Variants in AOPEP observed in about 807,000 individuals in gnomAD.
AOPEP encodes aminopeptidase O (putative).
AOPEP carries 77 observed loss-of-function variants against 98.1 expected under a neutral mutation model. The ratio of observed to expected loss-of-function variants is 0.78; its 90% CI spans 0.65 to 0.95. The LOEUF (loss-of-function observed/expected upper bound fraction) is 0.95, where lower values mean the gene tolerates loss of function less well. Among genes scored for constraint, AOPEP ranks in the 40% least tolerant of loss-of-function variants. The pLI is 0.00. For missense variants in AOPEP, 1,024 were observed against 1,024.7 expected, an observed-to-expected ratio of 1.00 and a Z score of 0.01; for synonymous variants, 346 against 365.3, an observed-to-expected ratio of 0.95 and a Z score of 0.60.
chr9:94,772,950 A>G, intron 2 of AOPEP, 52 bp from the exon 3 acceptor site: 1 of 1,515,118 alleles, frequency 6.6e-7, no homozygotes, highest in Non-Finnish European at 8.9e-7. Context: ...GAGAAAAGTG[A>G]CAACTCATTT....
At chr9:95,111,381 C>A in the AOPEP span, 2 of 1,597,436 alleles carry the variant, frequency 1.3e-6, no homozygotes, top group African/African-American at 2.7e-5. Context: ...GAAGCCAAGC[C>A]CACAACAGAG....
the AOPEP span, among the ~76,000 whole-genome samples, chr9:95,144,384 GA>G: frequency 1.3e-5 from 2 of 152,210 alleles, no homozygotes; most frequent in African/African-American, 4.8e-5. Flanking sequence ...TAAATTTTAT[GA>G]GTTGTTGAGG....
At chr9:95,123,164 G>A in the AOPEP span, among the ~76,000 whole-genome samples, 13 of 152,004 alleles carry the variant, frequency 8.6e-5, no homozygotes, top group African/African-American at 2.9e-4. Flanking sequence ...TTAGCTGGGC[G>A]TGGTGGCTTG....
At chr9:95,130,861 T>C in the AOPEP span, among the ~76,000 whole-genome samples, 3 of 152,234 alleles carry the variant, frequency 2.0e-5, no homozygotes, top group Non-Finnish European at 4.4e-5. Context: ...GAAAAACCTA[T>C]TTATACAAAA....
At chr9:94,988,788 C>T (rs2060677020) in intron 11 of AOPEP, among the ~76,000 whole-genome samples, 1 of 152,276 alleles carries the variant, frequency 6.6e-6, no homozygotes, top group Middle Eastern at 3.4e-3. Flanking sequence ...CTGCAGATCC[C>T]GGAGCCAGCC....
At chr9:95,104,047 C>T in the AOPEP span, among the ~76,000 whole-genome samples, 6 of 152,114 alleles carry the variant, frequency 3.9e-5, no homozygotes, top group East Asian at 3.9e-4. Context: ...AGGGAAAGGC[C>T]GTCCCACCAA....
chr9:95,111,275 G>C, the AOPEP span: 2 of 1,557,002 alleles, frequency 1.3e-6, no homozygotes, highest in East Asian at 4.8e-5. Flanking sequence ...CACCTCGGTG[G>C]GGACAGGAGA....
At chr9:94,769,783 C>A (rs967977565) in intron 2 of AOPEP, among the ~76,000 whole-genome samples, 1 of 152,124 alleles carries the variant, frequency 6.6e-6, no homozygotes, top group African/African-American at 2.4e-5. Flanking sequence ...GTAACTGACC[C>A]CCTTGATGGA....
chr9:94,836,347 T>C (rs889940515), intron 5 of AOPEP, among the ~76,000 whole-genome samples: 7 of 152,056 alleles, frequency 4.6e-5, no homozygotes, highest in Non-Finnish European at 8.8e-5. Flanking sequence ...TGAGCAAGAG[T>C]TTTCCTTGCT....
chr9:95,110,394 A>T, the AOPEP span: 1 of 1,024,076 alleles, frequency 9.8e-7, no homozygotes, highest in Non-Finnish European at 1.2e-6. Context: ...CGTACATCTT[A>T]TTACTGTTAA....
chr9:95,107,374 A>T, the AOPEP span: 9 of 1,260,864 alleles, frequency 7.1e-6, no homozygotes, highest in African/African-American at 8.9e-5. Context: ...ACGGGTAAGC[A>T]CTGGCCCCTG....
intron 5 of AOPEP, among the ~76,000 whole-genome samples, chr9:94,831,777 G>A (rs1856018609): frequency 6.6e-6 from 1 of 151,778 alleles, no homozygotes; most frequent in Admixed American, 6.6e-5. Flanking sequence ...ATTCCCAAGT[G>A]CTACAAAGAG....
intron 14 of AOPEP, among the ~76,000 whole-genome samples, chr9:95,066,685 A>T (rs544636436): frequency 2.8e-4 from 42 of 152,104 alleles, no homozygotes; most frequent in Non-Finnish European, 5.1e-4. Flanking sequence ...TGTTTGCTCC[A>T]TAGGGCGCTC....
intron 3 of AOPEP, among the ~76,000 whole-genome samples, chr9:94,780,023 C>A (rs772675307): frequency 3.0e-4 from 45 of 152,340 alleles, no homozygotes; most frequent in Non-Finnish European, 5.6e-4. Context: ...TTTGGCAGTA[C>A]TCACATCTGG....
At chr9:95,054,764 G>A (rs1236646676) in intron 13 of AOPEP, among the ~76,000 whole-genome samples, 3 of 152,070 alleles carry the variant, frequency 2.0e-5, no homozygotes, top group African/African-American at 7.2e-5. Context: ...ATGAATATTT[G>A]CTGCTACTTG....
chr9:94,773,597 A>G (rs1376692215), intron 3 of AOPEP, among the ~76,000 whole-genome samples: 1 of 152,216 alleles, frequency 6.6e-6, no homozygotes, highest in Non-Finnish European at 1.5e-5. Context: ...AGTTGTCTTA[A>G]TGAAGCATCT....
chr9:94,778,500 A>T (rs576876142), intron 3 of AOPEP, among the ~76,000 whole-genome samples: 1 of 152,128 alleles, frequency 6.6e-6, no homozygotes, highest in African/African-American at 2.4e-5. Context: ...TCTCACAAAC[A>T]TTATGCTGAG....
At chr9:94,805,762 A>C (rs979107846) in intron 5 of AOPEP, among the ~76,000 whole-genome samples, 1 of 152,252 alleles carries the variant, frequency 6.6e-6, no homozygotes, top group African/African-American at 2.4e-5. Flanking sequence ...TACATGCCCA[A>C]GAATGAATGT....
intron 5 of AOPEP, among the ~76,000 whole-genome samples, chr9:94,882,023 T>A (rs868285450): frequency 1.3e-5 from 2 of 152,276 alleles, no homozygotes; most frequent in Admixed American, 6.5e-5. Flanking sequence ...TATGAGTAAA[T>A]TTTTGAGGAC....
Sources: gnomAD v4.1 joint callset for allele counts (sites outside exome capture counted in the v4.1 genomes callset) on GRCh38, gnomAD v4.1.1 for gene constraint, MANE v1.5 for transcripts, NCBI Gene and HGNC (gene_info 2026-07-23, HGNC 2026-07-21) for gene names.